FGG: variants seen among roughly 807,000 people sequenced by gnomAD.
FGG encodes the protein fibrinogen gamma chain, also known as fibrinogen, gamma polypeptide.
FGG carries 20 observed loss-of-function variants against 51.7 expected under a neutral mutation model. The observed-to-expected ratio is 0.39, with a 90% CI of 0.27 to 0.56. The LOEUF is 0.56. Among genes scored for constraint, FGG ranks in the 20% least tolerant of loss-of-function variants. The pLI is 0.64. For missense variants in FGG, 460 were observed against 534.2 expected, an observed-to-expected ratio of 0.86 and a Z score of 1.37; for synonymous variants, 184 against 184.7, an observed-to-expected ratio of 1.00 and a Z score of 0.03.
intron 8 of FGG, among the ~76,000 whole-genome samples, chr4:154,605,696 G>A (rs533251416): frequency 6.6e-6 from 1 of 152,096 alleles, no homozygotes; most frequent in Non-Finnish European, 1.5e-5. Flanking sequence ...TCATTATGTG[G>A]TTTGTGAGTG....
Position 154,604,590 on chromosome 4 carries a change from A to G in FGG, c.*244T>C. 8.2e-7 allele frequency: 1 copy of G among 1,217,520 alleles called. No homozygotes were observed. Among genetic ancestry groups the G allele is most frequent in the Non-Finnish European group, 1.1e-6 (1 of 929,150 alleles). The allele number at this position is 1,217,520 out of a possible 1,614,324, so 75.4% of individuals were successfully genotyped here. The stretch of plus-strand genomic sequence containing the variant: ...GGTCATAAAAATGCAAATAAAGTCA[A>G]TCATTTTATTATTATATATTTAGGA... On this transcript the variant is annotated 3_prime_UTR_variant, in exon 9 of 9. Transcript: ENST00000336098.
Position 154,608,574 on chromosome 4 carries a change from C to G in FGG, c.743G>C (p.Gly248Ala). The change falls in exon 7 of 9, where the codon GGC becomes GCC. Residue 248 changes from glycine (G) to alanine (A), a missense_variant. By Grantham distance (60) the Gly-to-Ala change is moderately conservative. Coordinates refer to ENST00000336098, the MANE Select transcript of FGG (RefSeq NM_021870.3). ...KEGFGHLSPTGTTEFWLGNEK... is the reference protein window; with the variant it reads ...KEGFGHLSPTATTEFWLGNEK... ...ATTTCCCAGCCAAAATTCTGTTGTG[C>G]CAGTAGGAGACAGATGTCCAAATCC... 1.2e-6 allele frequency: 2 copies of G among 1,613,714 alleles called. No homozygotes were observed. Among genetic ancestry groups the G allele is most frequent in the Non-Finnish European group, 1.7e-6 (2 of 1,179,768 alleles).
Position 154,604,649 on chromosome 4 carries a change from A to C in FGG, c.*185T>G. ...GAAATGTTATCTCCTCAAATAAACA[A>C]TTTTTAAATAACTCTGATATCAGTA... On this transcript the variant is annotated 3_prime_UTR_variant, in exon 9 of 9. Transcript: ENST00000336098. 1.5e-6 allele frequency: 2 copies of C among 1,375,998 alleles called. No homozygotes were observed. Among genetic ancestry groups the C allele is most frequent in the Non-Finnish European group, 1.9e-6 (2 of 1,057,330 alleles). 85.2% of individuals were successfully genotyped at this position (1,375,998 alleles called of 1,614,324 possible). A position where few individuals can be genotyped will look rare whatever the true frequency, so the allele number is the denominator to read the frequency against.
chr4:154,611,758 A>G, intron 4 of FGG, 47 bp downstream of exon 4: 1 of 1,276,434 alleles, frequency 7.8e-7, no homozygotes, highest in Admixed American at 1.9e-5. Context: ...AATATTAAAT[A>G]AAAACTAAAT....
At chr4:154,608,858 G>C (rs1480139647) in intron 6 of FGG, among the ~76,000 whole-genome samples, 1 of 152,150 alleles carries the variant, frequency 6.6e-6, no homozygotes, top group Non-Finnish European at 1.5e-5. Flanking sequence ...TCATGAGAGA[G>C]AATATAAGAG....
chr4:154,609,961 A>C, intron 5 of FGG, 106 bp downstream of exon 5: 1 of 1,547,522 alleles, frequency 6.5e-7, no homozygotes. Flanking sequence ...CTTAGACTTA[A>C]TGGGTAGCCA....
intron 7 of FGG, 33 bp from the exon 8 acceptor site, chr4:154,607,015 G>A (rs1272598750): frequency 1.3e-6 from 2 of 1,539,166 alleles, no homozygotes; most frequent in East Asian, 2.3e-5. Flanking sequence ...ATCACATGCT[G>A]ACCCTCCTCA....
At chr4:154,612,476 CTGTTT>C (rs1731237250) in intron 1 of FGG, 41 bp from the exon 2 acceptor site, 1 of 1,613,536 alleles carries the variant, frequency 6.2e-7, no homozygotes, top group African/African-American at 1.3e-5. Context: ...AGTTTATTAT[CTGTTT>C]TATTTTCCAG....
intron 7 of FGG, among the ~76,000 whole-genome samples, chr4:154,608,128 G>A (rs1189080179): frequency 6.6e-6 from 1 of 152,070 alleles, no homozygotes; most frequent in Non-Finnish European, 1.5e-5. Context: ...CTATAAAATG[G>A]GATTAATAAT....
chr4:154,606,917 T>C lies in FGG; in HGVS notation c.917A>G (p.Tyr306Cys), dbSNP rs1316517825. 1 of 1,613,690 alleles carries C rather than the reference T, an allele frequency of 6.2e-7. No homozygotes were observed. Among genetic ancestry groups the C allele is most frequent in the Non-Finnish European group, 8.5e-7 (1 of 1,179,800 alleles). The change falls in exon 8 of 9, where the codon TAC becomes TGC. Residue 306 changes from tyrosine (Y) to cysteine (C), a missense_variant. Around this residue, in one of 3 missense-constraint regions of FGG, gnomAD observed 353 missense variants for 391.7 expected, o/e 0.90. Transcript: ENST00000336098. ...ATCTCCAGCATCCCCACCAGCGAAG[T>C]AGGCATATGTTAGGCGGTACTTGTC... ...EADKYRLTYA[Y>C]FAGGDAGDAF...
intron 5 of FGG, 81 bp downstream of exon 5, chr4:154,609,986 C>A (rs1157744308): frequency 6.3e-7 from 1 of 1,587,122 alleles, no homozygotes; most frequent in Non-Finnish European, 8.6e-7. Context: ...CTAAACTATT[C>A]CTATACTTTC....
chr4:154,606,262 C>A (rs147628708), intron 8 of FGG, among the ~76,000 whole-genome samples: 1 of 152,150 alleles, frequency 6.6e-6, no homozygotes, highest in Non-Finnish European at 1.5e-5. Context: ...CAAACCCCTG[C>A]CCTTACCAGT....
intron 8 of FGG, among the ~76,000 whole-genome samples, chr4:154,605,655 C>T (rs1731084494): frequency 6.6e-6 from 1 of 152,146 alleles, no homozygotes; most frequent in Non-Finnish European, 1.5e-5. Flanking sequence ...CCGGGTCACA[C>T]AGATCAAGCA....
chr4:154,606,310 T>C (rs1731095492), intron 8 of FGG, among the ~76,000 whole-genome samples: 1 of 152,182 alleles, frequency 6.6e-6, no homozygotes, highest in Non-Finnish European at 1.5e-5. Context: ...CAAACACCTG[T>C]TCACTGCGTG....
rs1257903220 is a variant in FGG at position 154,604,764 on chromosome 4, A to AG, written c.*69dup. 1 of 1,605,512 alleles carries AG rather than the reference A, an allele frequency of 6.2e-7. No individual in the cohort carries two copies. Among genetic ancestry groups the AG allele is most frequent in the African/African-American group, 1.3e-5 (1 of 74,840 alleles). ...ACTTGAAATCAATAAATATAGTAAGAGAAAAAAGGAAGAAACTTTCAGAGA... is the reference window on the plus strand; with the variant it reads ...ACTTGAAATCAATAAATATAGTAAGAGGAAAAAAGGAAGAAACTTTCAGAGA... On this transcript the variant is annotated 3_prime_UTR_variant, in exon 9 of 9. Transcript: ENST00000336098.
In FGG at chr4:154,606,880, G is replaced by A; in HGVS notation, c.954C>T (p.Gly318=). The A allele has an allele frequency of 6.2e-7, 1 of 1,613,848 alleles. No homozygotes were observed. The highest frequency in any genetic ancestry group is 8.5e-7 in the Non-Finnish European group (1 of 1,179,842). ...AGGDAGDAFD[G]FDFGDDPSDK... Reference sequence around the variant, plus strand: ...CACTAGGATCATCGCCAAAATCAAAGCCATCAAAGGCATCTCCAGCATCCC... The same window carrying A: ...CACTAGGATCATCGCCAAAATCAAAACCATCAAAGGCATCTCCAGCATCCC... The change falls in exon 8 of 9, where the codon GGC becomes GGT. Residue 318 remains glycine (G), a synonymous_variant. Coordinates refer to ENST00000336098, the MANE Select transcript of FGG (RefSeq NM_021870.3).
Position 154,606,073 on chromosome 4 carries a change from T to C in FGG, c.1129+632A>G, listed in dbSNP as rs2066862. On this transcript the variant is annotated intron_variant, in intron 8 of 8. Coordinates refer to ENST00000336098, the MANE Select transcript of FGG (RefSeq NM_021870.3). ...CTGGGATTTCCAAATAATGCCATTA[T>C]TGTAACATGGATCCTTTAGCATCGG... Among the ~76,000 whole-genome samples, 811 of 152,250 alleles carry C rather than the reference T, an allele frequency of 5.3e-3. 3 individuals are homozygous for C. The highest frequency in any genetic ancestry group is 8.9e-3 in the Non-Finnish European group (606 of 68,008).
intron 6 of FGG, among the ~76,000 whole-genome samples, chr4:154,609,047 C>T (rs778837374): frequency 6.6e-6 from 1 of 152,110 alleles, no homozygotes; most frequent in Non-Finnish European, 1.5e-5. Flanking sequence ...CCTCTGAGCG[C>T]CCCCTGTAGA....
chr4:154,610,181 A>G lies in FGG; in HGVS notation c.418T>C (p.Tyr140His), dbSNP rs2066870. ...DSSIRYLQEIYNSNNQKIVNL... is the reference protein window; with the variant it reads ...DSSIRYLQEIHNSNNQKIVNL... ...ACAATCTTTTGATTATTTGAATTAT[A>G]TATTTCCTGCAAATATCTACAAACA... Residue 140 changes from tyrosine to histidine, a missense_variant, in exon 5 of 9, where the codon TAT (tyrosine) becomes CAT (histidine). Physicochemically the swap from Tyr to His is moderately conservative, Grantham distance 83. Around this residue, in one of 3 missense-constraint regions of FGG, gnomAD observed 353 missense variants for 391.7 expected, o/e 0.90. Transcript: ENST00000336098. The G allele has an allele frequency of 3.4e-3, 5,311 of 1,584,110 alleles. 137 individuals are homozygous for G. The African/African-American group carries it at 0.06, about 18-fold the overall frequency.
Sources: allele counts gnomAD v4.1 joint callset (sites outside exome capture counted in the v4.1 genomes callset), GRCh38; gene constraint gnomAD v4.1.1; regional missense constraint gnomAD v4.1.1; transcripts MANE v1.5; gene names NCBI Gene and HGNC (gene_info 2026-07-23, HGNC 2026-07-21).